EPM2A: variants seen among roughly 807,000 people sequenced by gnomAD.
The protein encoded by EPM2A is laforin.
A neutral mutation model predicts 26.5 loss-of-function variants in EPM2A; 21 were observed. The observed-to-expected ratio is 0.79, with a 90% confidence interval of 0.56 to 1.14. The LOEUF is 1.14. Ranked by LOEUF, EPM2A falls within the 50% of genes most tolerant of loss-of-function variation. EPM2A has a pLI of 0.00. For synonymous variants in EPM2A, 217 were observed against 177.6 expected, an observed-to-expected ratio of 1.22 and a Z score of -1.76; for missense variants, 458 against 440.8, an observed-to-expected ratio of 1.04 and a Z score of -0.35.
intron 4 of EPM2A, among the ~76,000 whole-genome samples, chr6:145,489,279 T>G (rs2114740006): frequency 6.6e-6 from 1 of 152,332 alleles, no homozygotes; most frequent in Non-Finnish European, 1.5e-5. Context: ...TTAAGTTTGA[T>G]TTTATAATAT....
chr6:145,433,066 G>A (rs1023135009), intron 4 of EPM2A, among the ~76,000 whole-genome samples: 1 of 152,142 alleles, frequency 6.6e-6, no homozygotes, highest in South Asian at 2.1e-4. Context: ...CTTGTGGCTA[G>A]TTTGACCTTC....
At chr6:145,407,346 C>T (rs1174077480) in intron 4 of EPM2A, among the ~76,000 whole-genome samples, 6 of 152,136 alleles carry the variant, frequency 3.9e-5, no homozygotes, top group Non-Finnish European at 8.8e-5. Context: ...AATATGAGCT[C>T]TGGACCTACA....
chr6:145,522,995 G>C (rs1181357145), intron 2 of EPM2A, among the ~76,000 whole-genome samples: 1 of 152,148 alleles, frequency 6.6e-6, no homozygotes, highest in Non-Finnish European at 1.5e-5. Context: ...AGCCTTCTCA[G>C]GGGTTGTTTG....
Position 145,671,336 on chromosome 6 carries a change from T to A in EPM2A, c.476+14786A>T, listed in dbSNP as rs541557937. 73 of 1,008,670 alleles carry A rather than the reference T, an allele frequency of 7.2e-5. No homozygotes were observed. The African/African-American group carries it at 1.2e-3, about 16-fold the overall frequency. 62.5% of individuals were successfully genotyped at this position (1,008,670 alleles called of 1,614,324 possible). A position where few individuals can be genotyped will look rare whatever the true frequency, so the allele number is the denominator to read the frequency against. On this transcript the variant is annotated intron_variant, in intron 2 of 3. Transcript: ENST00000367519. ...CTTGAGTTGAATGTACGTCTTGAGC[T>A]ACAAAAATGAGGGAAAGCACCATCT...
chr6:145,659,564 G>C (rs1358040447), intron 2 of EPM2A, among the ~76,000 whole-genome samples: 4 of 151,982 alleles, frequency 2.6e-5, no homozygotes, highest in Admixed American at 6.6e-5. Flanking sequence ...CTAAATTTGT[G>C]AAAGCAAATC....
chr6:145,499,349 C>A (rs1006644309), downstream of EPM2A, among the ~76,000 whole-genome samples: 2 of 152,130 alleles, frequency 1.3e-5, no homozygotes, highest in Non-Finnish European at 2.9e-5. Context: ...TTCCTTTTAC[C>A]TATTCTGCCC....
chr6:145,575,647 T>A (rs1479752354), intron 2 of EPM2A, among the ~76,000 whole-genome samples: 1 of 152,190 alleles, frequency 6.6e-6, no homozygotes, highest in African/African-American at 2.4e-5. Context: ...AGGTATTATG[T>A]ATAGAGTCAC....
chr6:145,512,957 A>G (rs117288466), intron 2 of EPM2A, among the ~76,000 whole-genome samples: 2 of 152,180 alleles, frequency 1.3e-5, no homozygotes, highest in Admixed American at 6.5e-5. Flanking sequence ...TGAAACTATA[A>G]AAATTCTGGA....
Position 145,735,205 on chromosome 6 carries a change from G to T in EPM2A, c.294C>A (p.Ser98=). Reference sequence around the variant, plus strand: ...GGCGTCTGCTGGCAATACCTTCCCAGGAGAGCTCTCCTCCCGGCTCCCGCT... The same window carrying T: ...GGCGTCTGCTGGCAATACCTTCCCATGAGAGCTCTCCTCCCGGCTCCCGCT... ...FLKREPGGEL[S]WEGNGPHHDR... The change falls in exon 1 of 4, where the codon TCC becomes TCA. Residue 98 remains serine (S), a synonymous_variant. Coordinates refer to ENST00000367519, the MANE Select transcript of EPM2A (RefSeq NM_005670.4). 1 of 1,523,606 alleles carries T rather than the reference G, an allele frequency of 6.6e-7. No homozygotes were observed. The highest frequency in any genetic ancestry group is 8.8e-7 in the Non-Finnish European group (1 of 1,132,866). 94.4% of individuals were successfully genotyped at this position (1,523,606 alleles called of 1,614,324 possible).
intron 2 of EPM2A, among the ~76,000 whole-genome samples, chr6:145,521,941 A>T (rs1780207355): frequency 6.6e-6 from 1 of 152,124 alleles, no homozygotes; most frequent in Non-Finnish European, 1.5e-5. Context: ...TTTTGGCCCT[A>T]AGTATAAGTA....
At chr6:145,704,180 T>G (rs1466953311) in intron 1 of EPM2A, among the ~76,000 whole-genome samples, 1 of 152,168 alleles carries the variant, frequency 6.6e-6, no homozygotes, top group African/African-American at 2.4e-5. Flanking sequence ...TCACATTTAC[T>G]TCATTAAAGA....
chr6:145,657,453 A>T (rs1180151959), intron 2 of EPM2A, among the ~76,000 whole-genome samples: 5 of 152,100 alleles, frequency 3.3e-5, no homozygotes, highest in African/African-American at 9.7e-5. Context: ...GCATTTAAAA[A>T]TTTTTTTACA....
At chr6:145,479,136 GAGA>G (rs1779581232) in intron 4 of EPM2A, among the ~76,000 whole-genome samples, 1 of 151,152 alleles carries the variant, frequency 6.6e-6, no homozygotes, top group Admixed American at 6.6e-5. Flanking sequence ...CAATAGTGGA[GAGA>G]AGTAGATTGA....
chr6:145,427,970 C>T (rs1227884156), intron 4 of EPM2A, among the ~76,000 whole-genome samples: 2 of 151,880 alleles, frequency 1.3e-5, no homozygotes, highest in African/African-American at 2.4e-5. Context: ...GAAAATGTAT[C>T]CCATTATCAT....
At chr6:145,413,123 C>T (rs1364187728) in intron 4 of EPM2A, among the ~76,000 whole-genome samples, 1 of 152,142 alleles carries the variant, frequency 6.6e-6, no homozygotes, top group East Asian at 1.9e-4. Context: ...TGCACAGAAT[C>T]AGGGAAAAAC....
intron 2 of EPM2A, among the ~76,000 whole-genome samples, chr6:145,662,932 A>G (rs764972639): frequency 1.3e-5 from 2 of 151,980 alleles, no homozygotes; most frequent in African/African-American, 2.4e-5. Flanking sequence ...TCAAAATACA[A>G]TCTTAAGACC....
intron 4 of EPM2A, among the ~76,000 whole-genome samples, chr6:145,474,809 G>A (rs1210597137): frequency 1.3e-5 from 2 of 152,082 alleles, no homozygotes; most frequent in African/African-American, 4.8e-5. Context: ...AGTGGGCAAA[G>A]GATATGAACA....
chr6:145,509,162 T>A (rs1421733694), intron 2 of EPM2A, among the ~76,000 whole-genome samples: 2 of 152,146 alleles, frequency 1.3e-5, no homozygotes, highest in Non-Finnish European at 2.9e-5. Flanking sequence ...TTGGAAAACA[T>A]ATTTGAGAAT....
At chr6:145,393,507 T>G (rs1218131798) in intron 4 of EPM2A, among the ~76,000 whole-genome samples, 1 of 152,224 alleles carries the variant, frequency 6.6e-6, no homozygotes, top group Non-Finnish European at 1.5e-5. Flanking sequence ...AACAGTTTTT[T>G]TCCCCATTAT....
Sources: allele counts gnomAD v4.1 joint callset (sites outside exome capture counted in the v4.1 genomes callset), GRCh38; gene constraint gnomAD v4.1.1; transcripts MANE v1.5; gene names NCBI Gene and HGNC (gene_info 2026-07-23, HGNC 2026-07-21).